The following TRA2B variants were observed in gnomAD, a reference collection of about 807,000 sequenced individuals.
TRA2B encodes transformer 2 beta homolog.
Under a neutral mutation model 41.7 loss-of-function variants are expected in TRA2B, and 14 were observed. The observed-to-expected ratio is 0.34, with a 90% CI of 0.22 to 0.53. TRA2B has a LOEUF of 0.53. Among genes scored for constraint, TRA2B ranks in the 20% least tolerant of loss-of-function variants. TRA2B has a pLI of 0.95. For synonymous variants in TRA2B, 130 were observed against 128.8 expected (o/e 1.01, Z -0.06); for missense variants, 167 against 396.8 (o/e 0.42, Z 4.92).
Position 185,923,601 on chromosome 3 carries a change from C to A in TRA2B, c.522+195G>T, listed in dbSNP as rs183172675. 8.0e-4 allele frequency: 350 copies of A among 438,848 alleles called. 3 individuals are homozygous for A. Among genetic ancestry groups the A allele is most frequent in the Non-Finnish European group, 1.7e-4 (44 of 252,206 alleles). 27.2% of individuals were successfully genotyped at this position (438,848 alleles called of 1,614,324 possible). ...CCCCAATAGGTGGCAACTAATAAAGCAGGTGGTAGGACCAACTTCCCCAAG... is the reference window on the plus strand; with the variant it reads ...CCCCAATAGGTGGCAACTAATAAAGAAGGTGGTAGGACCAACTTCCCCAAG... On this transcript the variant is annotated intron_variant, in intron 4 of 8. Transcript: ENST00000453386.
At chr3:185,935,578 AT>A in intron 1 of TRA2B, 1 of 985,454 alleles carries the variant, frequency 1.0e-6, no homozygotes, top group Non-Finnish European at 1.2e-6. Flanking sequence ...ATAAGGGAGA[AT>A]TCCACTGATT....
rs953735789 is a variant in TRA2B at position 185,936,767 on chromosome 3, CTT to C, written c.36+1056_36+1057del. On this transcript the variant is annotated intron_variant, in intron 1 of 8. Transcript: ENST00000453386. ...TCTATCACCCTTCTAACAGATTCCT[CTT>C]AATTCTAGCAAGCCTCGTATGTTCG... 4.1e-6 allele frequency: 4 copies of C among 985,044 alleles called. No homozygotes were observed. The African/African-American group carries it at 5.3e-5, about 13-fold the overall frequency. The allele number at this position is 985,044 out of a possible 1,614,324, so 61.0% of individuals were successfully genotyped here. A position where few individuals can be genotyped will look rare whatever the true frequency, so the allele number is the denominator to read the frequency against.
chr3:185,935,906 A>AAT (rs143180914), intron 1 of TRA2B: 1 of 985,266 alleles, frequency 1.0e-6, no homozygotes, highest in African/African-American at 1.7e-5. Context: ...AAGAAAAAAA[A>AAT]CTCAATTTTT....
chr3:185,919,700 T>C (rs560725699), intron 6 of TRA2B, among the ~76,000 whole-genome samples: 34 of 152,068 alleles, frequency 2.2e-4, no homozygotes, highest in African/African-American at 8.2e-4. Flanking sequence ...AGAACATTCC[T>C]AAGTAAATGC....
chr3:185,921,083 C>G (rs762261275), intron 6 of TRA2B, 21 bp downstream of exon 6: 1 of 1,607,240 alleles, frequency 6.2e-7, no homozygotes, highest in African/African-American at 1.3e-5. Flanking sequence ...CAGACGTTGA[C>G]CTTTCTACCT....
intron 5 of TRA2B, among the ~76,000 whole-genome samples, 170 bp downstream of exon 5, chr3:185,921,841 T>C (rs1484129569): frequency 6.6e-6 from 1 of 152,192 alleles, no homozygotes; most frequent in Non-Finnish European, 1.5e-5. Flanking sequence ...TAGTTTTACC[T>C]GTAATGGTTG....
At chr3:185,933,023 G>A (rs1744210067) in intron 1 of TRA2B, among the ~76,000 whole-genome samples, 1 of 152,110 alleles carries the variant, frequency 6.6e-6, no homozygotes, top group Non-Finnish European at 1.5e-5. Flanking sequence ...TTTTAAATAT[G>A]TTTTTATTTA....
At chr3:185,935,433 A>C (rs1179567973) in intron 1 of TRA2B, 1 of 985,258 alleles carries the variant, frequency 1.0e-6, no homozygotes, top group African/African-American at 1.7e-5. Flanking sequence ...AATGTATTCT[A>C]TTGAGTGATC....
At chr3:185,930,430 C>G (rs1375456458) in intron 1 of TRA2B, among the ~76,000 whole-genome samples, 1 of 152,048 alleles carries the variant, frequency 6.6e-6, no homozygotes, top group Non-Finnish European at 1.5e-5. Context: ...TAGAAATAAA[C>G]AGGCCTGAAA....
intron 7 of TRA2B, among the ~76,000 whole-genome samples, chr3:185,918,869 G>A (rs982355518): frequency 9.9e-5 from 15 of 152,172 alleles, no homozygotes; most frequent in African/African-American, 2.4e-4. Flanking sequence ...AGCTCTGTGC[G>A]GTGGTGCATG....
At chr3:185,934,640 C>T in intron 1 of TRA2B, 1 of 985,304 alleles carries the variant, frequency 1.0e-6, no homozygotes, top group Non-Finnish European at 1.2e-6. Flanking sequence ...GGTGAGATGG[C>T]TGCAATTCTT....
chr3:185,921,501 ACGCCTGT>A (rs1238660065), intron 5 of TRA2B, among the ~76,000 whole-genome samples: 1 of 152,228 alleles, frequency 6.6e-6, no homozygotes, highest in Non-Finnish European at 1.5e-5. Flanking sequence ...GCAGCAACTC[ACGCCTGT>A]AATCCCAGCT....
chr3:185,933,299 T>C (rs532677911), intron 1 of TRA2B, among the ~76,000 whole-genome samples: 134 of 152,302 alleles, frequency 8.8e-4, no homozygotes, highest in Middle Eastern at 3.4e-3. Context: ...CCTTCTCTTA[T>C]AGTCTAAGAA....
chr3:185,935,705 C>G, intron 1 of TRA2B: 1 of 985,452 alleles, frequency 1.0e-6, no homozygotes, highest in Non-Finnish European at 1.2e-6. Flanking sequence ...TAAGATCAAG[C>G]TGTTCCATTG....
chr3:185,935,533 A>AG (rs1188020214), intron 1 of TRA2B: 2 of 985,344 alleles, frequency 2.0e-6, no homozygotes, highest in African/African-American at 3.5e-5. Context: ...GGTGGGGCAC[A>AG]GAGGGGTGGG....
intron 1 of TRA2B, chr3:185,931,765 T>C: frequency 6.7e-7 from 1 of 1,481,604 alleles, no homozygotes; most frequent in African/African-American, 1.4e-5. Context: ...TTTTTCAAAT[T>C]TCAGCTTCAC....
At chr3:185,918,569 C>A in intron 7 of TRA2B, 131 bp from the exon 8 acceptor site, 1 of 525,702 alleles carries the variant, frequency 1.9e-6, no homozygotes. Context: ...CCTTCAAGGT[C>A]TGTTTAAATC....
chr3:185,926,823 A>C, intron 1 of TRA2B, 89 bp from the exon 2 acceptor site: 1 of 1,493,452 alleles, frequency 6.7e-7, no homozygotes, highest in Non-Finnish European at 9.1e-7. Context: ...GGTGAGGGAC[A>C]GCAATCCCCT....
intron 1 of TRA2B, among the ~76,000 whole-genome samples, chr3:185,932,299 C>G (rs1334508585): frequency 2.6e-5 from 4 of 152,148 alleles, no homozygotes; most frequent in Non-Finnish European, 5.9e-5. Context: ...AAGAGGTTTA[C>G]AGTATTGTGA....
Sources: allele counts gnomAD v4.1 joint callset (sites outside exome capture counted in the v4.1 genomes callset), GRCh38; gene constraint gnomAD v4.1.1; transcripts MANE v1.5; gene names NCBI Gene and HGNC (gene_info 2026-07-23, HGNC 2026-07-21).